Variants in EXT1 observed in about 807,000 individuals in gnomAD.
The protein encoded by EXT1 is exostosin glycosyltransferase 1, also known as exostosin-1.
EXT1 carries 20 observed loss-of-function variants against 82.5 expected under a neutral mutation model. That is an observed-to-expected ratio of 0.24 (90% confidence interval 0.17 to 0.35). The LOEUF is 0.35. EXT1 is among the 10% of genes least tolerant of loss of function. EXT1 has a pLI of 1.00. For synonymous variants in EXT1, 348 were observed against 350.8 expected, an observed-to-expected ratio of 0.99 and a Z score of 0.09; for missense variants, 757 against 936.5, an observed-to-expected ratio of 0.81 and a Z score of 2.50.
In EXT1 at chr8:118,056,734, T is replaced by C. The variant is rs187450964; in HGVS notation, c.962+53351A>G. 3.0e-3 allele frequency among the ~76,000 whole-genome samples: 452 copies of C among 152,244 alleles called. 2 individuals are homozygous for C. Among genetic ancestry groups the C allele is most frequent in the Admixed American group, 4.6e-3 (70 of 15,286 alleles). The stretch of plus-strand genomic sequence containing the variant: ...ACAAAAAGATGGCAGGTGTGATAAC[T>C]AGACATACACATTATCAGAAGAACG... On this transcript the variant is annotated intron_variant, in intron 1 of 10. Transcript: ENST00000378204.
At chr8:117,811,618 ATT>A (rs111956885) in intron 8 of EXT1, among the ~76,000 whole-genome samples, 13 of 143,014 alleles carry the variant, frequency 9.1e-5, no homozygotes, top group Admixed American at 1.4e-4. Flanking sequence ...CATCTATGGA[ATT>A]TTTTTTTTTT....
intron 1 of EXT1, among the ~76,000 whole-genome samples, chr8:118,044,345 C>T (rs1816584975): frequency 6.6e-6 from 1 of 151,882 alleles, no homozygotes. Context: ...ATATAGTGAA[C>T]CAAGGGTCAG....
In EXT1 at chr8:117,894,538, C is replaced by T. The variant is rs189054558; in HGVS notation, c.963-57337G>A. On this transcript the variant is annotated intron_variant, in intron 1 of 10. Coordinates refer to ENST00000378204, the MANE Select transcript of EXT1 (RefSeq NM_000127.3). ...CGACAGTCTTACTTGTACCTATATT[C>T]CTAGTATCACTTGATCCCCCAACAC... 3.5e-4 allele frequency among the ~76,000 whole-genome samples: 54 copies of T among 152,280 alleles called. 1 individual carries two copies. Among genetic ancestry groups the T allele is most frequent in the African/African-American group, 1.2e-3 (49 of 41,556 alleles).
At chr8:118,044,703 G>A (rs116258207) in intron 1 of EXT1, among the ~76,000 whole-genome samples, 3,599 of 152,108 alleles carry the variant, frequency 0.024, 131 homozygotes, top group African/African-American at 0.077. Context: ...CACCGTGCGC[G>A]GCTGATTTTA....
At chr8:117,824,397 A>G (rs1222670127) in intron 4 of EXT1, among the ~76,000 whole-genome samples, 1 of 152,250 alleles carries the variant, frequency 6.6e-6, no homozygotes, top group East Asian at 1.9e-4. Flanking sequence ...TGAAATAACA[A>G]CAAGCATTTT....
intron 1 of EXT1, among the ~76,000 whole-genome samples, chr8:118,013,437 G>C (rs1475860636): frequency 1.3e-5 from 2 of 152,104 alleles, no homozygotes; most frequent in Admixed American, 6.5e-5. Flanking sequence ...TCAAACTCCT[G>C]ACCTCAGATG....
At chr8:117,973,203 A>G (rs1814976004) in intron 1 of EXT1, among the ~76,000 whole-genome samples, 2 of 152,200 alleles carry the variant, frequency 1.3e-5, no homozygotes, top group Non-Finnish European at 1.5e-5. Flanking sequence ...CATCCTCATG[A>G]AACAATAAAC....
At chr8:118,064,628 G>T (rs1034077220) in intron 1 of EXT1, among the ~76,000 whole-genome samples, 1 of 152,068 alleles carries the variant, frequency 6.6e-6, no homozygotes, top group African/African-American at 2.4e-5. Flanking sequence ...GAATAGTGCT[G>T]CAATAAACAT....
Position 118,079,242 on chromosome 8 carries a change from A to G in EXT1, c.962+30843T>C, listed in dbSNP as rs17477140. ...AAGGAAATTTGATCTCCTTATCTTT[A>G]AAAATAATCAACTATAGTTCAAACA... On this transcript the variant is annotated intron_variant, in intron 1 of 10. Transcript: ENST00000378204. Among the ~76,000 whole-genome samples, 685 of 152,334 alleles carry G rather than the reference A, an allele frequency of 4.5e-3. 7 individuals are homozygous for G. Among genetic ancestry groups the G allele is most frequent in the African/African-American group, 0.016 (657 of 41,574 alleles).
intron 2 of EXT1, among the ~76,000 whole-genome samples, chr8:117,836,229 T>A (rs897596996): frequency 6.6e-6 from 1 of 152,084 alleles, no homozygotes; most frequent in African/African-American, 2.4e-5. Context: ...GAGAACAATT[T>A]TTCTTTATGC....
At chr8:117,836,664 G>C (rs758077080) in intron 2 of EXT1, among the ~76,000 whole-genome samples, 4 of 152,176 alleles carry the variant, frequency 2.6e-5, no homozygotes, top group Admixed American at 6.5e-5. Flanking sequence ...GCAGAGCCTT[G>C]GAAGAGCTGG....
intron 1 of EXT1, among the ~76,000 whole-genome samples, chr8:117,969,671 G>A (rs1027674911): frequency 1.5e-4 from 23 of 152,208 alleles, no homozygotes; most frequent in African/African-American, 5.3e-4. Flanking sequence ...GAGCTATGTG[G>A]TGGTGGCAGT....
In EXT1 at chr8:118,080,434, T is replaced by TA. The variant is rs542089514; in HGVS notation, c.962+29650dup. Among the ~76,000 whole-genome samples the TA allele has an allele frequency of 1.1e-4, 16 of 152,264 alleles. No homozygotes were observed. In the South Asian group the frequency reaches 2.1e-3, roughly 20 times the overall value. ...AAGTAAATAACTGCCTTTTTTTTTT[T>TA]ACCTCCCATAAATTGGATCCAGTTA... On this transcript the variant is annotated intron_variant, in intron 1 of 10. Coordinates refer to ENST00000378204, the MANE Select transcript of EXT1 (RefSeq NM_000127.3).
intron 4 of EXT1, among the ~76,000 whole-genome samples, chr8:117,827,813 A>AAAAAAAAAAAAG (rs1358540658): frequency 6.7e-6 from 1 of 150,276 alleles, no homozygotes; most frequent in African/African-American, 2.5e-5. Flanking sequence ...AAAAAAAAAA[A>AAAAAAAAAAAAG]AATCTTAACA....
At chr8:117,893,687 G>A (rs1214689346) in intron 1 of EXT1, among the ~76,000 whole-genome samples, 1 of 152,166 alleles carries the variant, frequency 6.6e-6, no homozygotes, top group African/African-American at 2.4e-5. Context: ...ACCACGCTTT[G>A]AGCAAGTGAA....
chr8:118,066,332 CTTTATTTATTTA>C (rs71307424), intron 1 of EXT1, among the ~76,000 whole-genome samples: 4,021 of 143,910 alleles, frequency 0.028, 154 homozygotes, highest in African/African-American at 0.089. Flanking sequence ...TTTTCTCTAG[CTTTATTTATTTA>C]TTTATTTATT....
chr8:118,002,366 C>T (rs1367469715), intron 1 of EXT1, among the ~76,000 whole-genome samples: 2 of 124,584 alleles, frequency 1.6e-5, no homozygotes, highest in Non-Finnish European at 3.1e-5. Flanking sequence ...GGGCGACAGA[C>T]GGCGACTCCG....
intron 1 of EXT1, among the ~76,000 whole-genome samples, chr8:118,060,140 T>A (rs1417868969): frequency 6.6e-6 from 1 of 152,174 alleles, no homozygotes; most frequent in Non-Finnish European, 1.5e-5. Context: ...CAGGTAAAAA[T>A]GAGTAAGTGA....
At chr8:118,108,012 T>C (rs1171924001) in intron 1 of EXT1, among the ~76,000 whole-genome samples, 1 of 152,154 alleles carries the variant, frequency 6.6e-6, no homozygotes, top group Non-Finnish European at 1.5e-5. Flanking sequence ...TGACCCCTTG[T>C]GGTCTTTAAA....
Sources: allele counts gnomAD v4.1 joint callset (sites outside exome capture counted in the v4.1 genomes callset), GRCh38; gene constraint gnomAD v4.1.1; transcripts MANE v1.5; gene names NCBI Gene and HGNC (gene_info 2026-07-23, HGNC 2026-07-21).